DENND5A: variants seen among roughly 807,000 people sequenced by gnomAD.
DENND5A encodes DENN domain containing 5A.
DENND5A carries 64 observed loss-of-function variants against 140.3 expected under a neutral mutation model. The ratio of observed to expected loss-of-function variants is 0.46; its 90% confidence interval spans 0.37 to 0.56. DENND5A has a LOEUF of 0.56. Among genes scored for constraint, DENND5A ranks in the 20% least tolerant of loss-of-function variants. DENND5A has a pLI of 0.00. For missense variants in DENND5A, 1,292 were observed against 1,593.8 expected, an observed-to-expected ratio of 0.81 and a Z score of 3.22; for synonymous variants, 605 against 607.7, an observed-to-expected ratio of 1.00 and a Z score of 0.07.
At chr11:9,225,195 C>T (rs997751341) in intron 1 of DENND5A, among the ~76,000 whole-genome samples, 3 of 152,176 alleles carry the variant, frequency 2.0e-5, no homozygotes, top group South Asian at 2.1e-4. Context: ...AAATCAAACT[C>T]GCAGCCAACT....
At chr11:9,255,037 C>G (rs1435242355) in intron 1 of DENND5A, among the ~76,000 whole-genome samples, 6 of 151,894 alleles carry the variant, frequency 4.0e-5, no homozygotes. Context: ...TGCTACTGCA[C>G]TCCAGCCTGG....
chr11:9,213,377 T>C (rs1465065157), intron 1 of DENND5A, among the ~76,000 whole-genome samples: 1 of 151,880 alleles, frequency 6.6e-6, no homozygotes, highest in East Asian at 1.9e-4. Flanking sequence ...TATTATTTCT[T>C]ACAATTGCAA....
At chr11:9,264,747 C>A (rs1033078739) in intron 1 of DENND5A, among the ~76,000 whole-genome samples, 3 of 152,134 alleles carry the variant, frequency 2.0e-5, no homozygotes, top group African/African-American at 7.2e-5. Context: ...GTGGCCACTG[C>A]GCAGCGGGCC....
intron 1 of DENND5A, among the ~76,000 whole-genome samples, chr11:9,240,470 G>A (rs1851189070): frequency 6.6e-6 from 1 of 152,044 alleles, no homozygotes; most frequent in Non-Finnish European, 1.5e-5. Context: ...AACACTTTGG[G>A]AGGCCAAAGC....
At chr11:9,176,425 T>C (rs1268909387) in intron 8 of DENND5A, among the ~76,000 whole-genome samples, 3 of 152,172 alleles carry the variant, frequency 2.0e-5, no homozygotes, top group African/African-American at 7.2e-5. Context: ...CACTACTTAA[T>C]CTAGTACTTC....
chr11:9,229,796 A>G (rs927353788), intron 1 of DENND5A, among the ~76,000 whole-genome samples: 5 of 151,994 alleles, frequency 3.3e-5, no homozygotes, highest in African/African-American at 9.7e-5. Context: ...TTTGTCTACT[A>G]ACATTTCTAC....
chr11:9,236,639 C>T (rs778688168), intron 1 of DENND5A, among the ~76,000 whole-genome samples: 50 of 151,872 alleles, frequency 3.3e-4, no homozygotes, highest in Non-Finnish European at 2.9e-4. Flanking sequence ...CTCAGCTACT[C>T]GGGAGGCTAA....
chr11:9,193,732 G>C, intron 4 of DENND5A, 51 bp from the exon 5 acceptor site: 1 of 1,481,822 alleles, frequency 6.7e-7, no homozygotes, highest in Non-Finnish European at 9.1e-7. Flanking sequence ...TCAAAAACAA[G>C]GCACTTGCTT....
At chr11:9,235,170 T>C (rs1441862881) in intron 1 of DENND5A, among the ~76,000 whole-genome samples, 4 of 152,146 alleles carry the variant, frequency 2.6e-5, no homozygotes, top group Non-Finnish European at 4.4e-5. Context: ...GACAGAAACT[T>C]GTACATGAAT....
chr11:9,249,482 C>T (rs1202786480), intron 1 of DENND5A, among the ~76,000 whole-genome samples: 3 of 152,062 alleles, frequency 2.0e-5, no homozygotes, highest in Non-Finnish European at 4.4e-5. Flanking sequence ...CCTCCCAGCT[C>T]GTCCTCTGGA....
chr11:9,145,776 A>C lies in DENND5A; in HGVS notation c.2897T>G (p.Leu966Arg). The C allele has an allele frequency of 6.2e-7, 1 of 1,614,188 alleles. No individual in the cohort carries two copies. The highest frequency in any genetic ancestry group is 8.5e-7 in the Non-Finnish European group (1 of 1,180,020). ...GTTGGCAGTGAACATGGAGCCCCCC[A>C]GCTTCTTGCTTGGTACGATCAGAAT... ...YHILIVPSKK[L>R]GGSMFTANPW... Residue 966 changes from leucine (L) to arginine (R), a missense_variant, in exon 17 of 23, where the codon CTG becomes CGG. By Grantham distance (102) the Leu-to-Arg change is moderately radical. Around this residue, in one of 4 missense-constraint regions of DENND5A, gnomAD observed 498 missense variants for 689.7 expected, o/e 0.72. Coordinates refer to ENST00000328194, the MANE Select transcript of DENND5A (RefSeq NM_015213.4).
intron 22 of DENND5A, among the ~76,000 whole-genome samples, chr11:9,140,952 C>A (rs1847217121): frequency 6.6e-6 from 1 of 152,234 alleles, no homozygotes; most frequent in South Asian, 2.1e-4. Flanking sequence ...CATGGAGAAA[C>A]CCCGTCTCTA....
intron 5 of DENND5A, among the ~76,000 whole-genome samples, chr11:9,191,569 T>C (rs753715023): frequency 3.3e-4 from 50 of 152,272 alleles, no homozygotes; most frequent in Non-Finnish European, 5.7e-4. Context: ...CAACCCATGG[T>C]TTCTTAAACA....
At chr11:9,191,492 G>A (rs113596606) in intron 5 of DENND5A, among the ~76,000 whole-genome samples, 24,779 of 152,122 alleles carry the variant, frequency 0.16, 2,236 homozygotes, top group Non-Finnish European at 0.21. Context: ...TGCCCGCCTC[G>A]GCCTCCCAAA....
At chr11:9,216,445 T>C (rs1244441586) in intron 1 of DENND5A, among the ~76,000 whole-genome samples, 1 of 152,166 alleles carries the variant, frequency 6.6e-6, no homozygotes, top group African/African-American at 2.4e-5. Flanking sequence ...GTGAAGGTAA[T>C]AGTAACAACA....
chr11:9,192,371 G>A (rs1201988642), intron 5 of DENND5A, among the ~76,000 whole-genome samples: 1 of 152,186 alleles, frequency 6.6e-6, no homozygotes, highest in Non-Finnish European at 1.5e-5. Context: ...GCTCACGCCT[G>A]TAATCCCAGC....
At position 9,226,134 on chromosome 11, in the gene DENND5A, G is replaced by A. The variant is rs527700618; in HGVS notation, c.110-18502C>T. On this transcript the variant is annotated intron_variant, in intron 1 of 22. Transcript: ENST00000328194. ...TCATCATCACCATTATCATCAATCA[G>A]GTCTTTTTCTAAACCCTCAGATTAT... is the stretch of plus-strand genomic sequence containing the variant. Among the ~76,000 whole-genome samples the A allele has an allele frequency of 4.0e-5, 6 of 151,512 alleles. No homozygotes were observed. The South Asian group carries it at 1.2e-3, about 31-fold the overall frequency.
rs1237630240 is a variant in DENND5A, at chr11:9,187,161, T to TCAATTAATAGACTCATACAATAGC, written c.1138-6078_1138-6077insGCTATTGTATGAGTCTATTAATTG. 6.8e-4 allele frequency among the ~76,000 whole-genome samples: 104 copies of TCAATTAATAGACTCATACAATAGC among 152,178 alleles called. 1 individual carries two copies. Among genetic ancestry groups the TCAATTAATAGACTCATACAATAGC allele is most frequent in the East Asian group, 3.5e-3 (18 of 5,182 alleles). On this transcript the variant is annotated intron_variant, in intron 5 of 22. Coordinates refer to ENST00000328194, the MANE Select transcript of DENND5A (RefSeq NM_015213.4). ...GCAAATTACTACACTCATACAATAG[T>TCAATTAATAGACTCATACAATAGC]CAATTACTAGACTCATACAATAGCC... is the stretch of plus-strand genomic sequence containing the variant.
rs941381623 is a variant in DENND5A at position 9,178,751 on chromosome 11, C to A, written c.1671+107G>T. ...AAATGGACCATAAACTTGTTTCCAGCATATGATAATCTTCCATTACTTCTT... is the reference window on the plus strand; with the variant it reads ...AAATGGACCATAAACTTGTTTCCAGAATATGATAATCTTCCATTACTTCTT... On this transcript the variant is annotated intron_variant, in intron 7 of 22. Coordinates refer to ENST00000328194, the MANE Select transcript of DENND5A (RefSeq NM_015213.4). The A allele has an allele frequency of 3.2e-6, 3 of 929,802 alleles. No individual in the cohort carries two copies. In the Admixed American group the frequency reaches 6.2e-5, roughly 19 times the overall value. 57.6% of individuals were successfully genotyped at this position (929,802 alleles called of 1,614,324 possible).
Sources: allele counts gnomAD v4.1 joint callset (sites outside exome capture counted in the v4.1 genomes callset), GRCh38; gene constraint gnomAD v4.1.1; regional missense constraint gnomAD v4.1.1; transcripts MANE v1.5; gene names NCBI Gene and HGNC (gene_info 2026-07-23, HGNC 2026-07-21).